Variants in HCFC1 observed in about 807,000 individuals in gnomAD.
HCFC1 encodes the protein host cell factor C1.
A neutral mutation model predicts 105.5 loss-of-function variants in HCFC1; 7 were observed. That is an observed-to-expected ratio of 0.07 (90% CI 0.04 to 0.12). The LOEUF is 0.12. Among genes scored for constraint, HCFC1 ranks in the 10% least tolerant of loss-of-function variants. The probability of loss-of-function intolerance (pLI) is 1.00; values close to 1 mark genes in which losing one functional copy is unlikely to be tolerated. For synonymous variants in HCFC1, 918 were observed against 828.1 expected, an observed-to-expected ratio of 1.11 and a Z score of -1.86; for missense variants, 1,065 against 1,823.6, an observed-to-expected ratio of 0.58 and a Z score of 7.58.
chrX:153,971,401 G>A lies in HCFC1; in HGVS notation c.-561C>T. 1 of 294,717 alleles carries A rather than the reference G, an allele frequency of 3.4e-6. No individual in the cohort carries two copies. Among genetic ancestry groups the A allele is most frequent in the Non-Finnish European group, 5.9e-6 (1 of 168,805 alleles). The allele number at this position is 294,717 out of a possible 1,213,427, so 24.3% of individuals were successfully genotyped here. The stretch of plus-strand genomic sequence containing the variant: ...TCCCGCTTCCCCGCCCAGCGCCTTA[G>A]TGCAGCCGCCGCTCCCGAAACAGCC... On this transcript the variant is annotated 5_prime_UTR_variant, in exon 1 of 26. Transcript: ENST00000310441.
chrX:153,951,568 G>T lies in HCFC1; in HGVS notation c.5379+21C>A, dbSNP rs370638767. 1,395 of 1,203,453 alleles carry T rather than the reference G, an allele frequency of 1.2e-3. 10 individuals carry two copies. The South Asian group carries it at 0.021, about 18-fold the overall frequency. ...TGCCCCCCAGGCCACGGACTCAGGA[G>T]CCCCAACACACCCGACTCACCACAC... On this transcript the variant is annotated intron_variant, in intron 21 of 25. Coordinates refer to ENST00000310441, the MANE Select transcript of HCFC1 (RefSeq NM_005334.3).
At chrX:153,959,638 G>T in intron 8 of HCFC1, 147 bp from the exon 9 acceptor site, 1 of 935,624 alleles carries the variant, frequency 1.1e-6, no homozygotes, top group Non-Finnish European at 1.5e-6. Flanking sequence ...ATTTCCACAG[G>T]TGGGGCCAGG....
At chrX:153,956,529 G>A (rs2065378612) in intron 15 of HCFC1, 96 bp downstream of exon 15, 1 of 1,129,075 alleles carries the variant, frequency 8.9e-7, no homozygotes, top group Non-Finnish European at 1.2e-6. Context: ...GGAGAGAGGA[G>A]CTGCTGTGCC....
rs782318382 is a variant in HCFC1 at position 153,956,772 on chromosome X, C to A, written c.2497-9G>T. 1.1e-5 allele frequency: 13 copies of A among 1,210,298 alleles called. No homozygotes were observed. In the Admixed American group the frequency reaches 2.8e-4, roughly 26 times the overall value. ...GCCCCCTTAAGCACCACCTGGAACA[C>A]CAGAGGAAAGTGCCACCAACGTCAC... On this transcript the variant is annotated splice_polypyrimidine_tract_variant and intron_variant, in intron 14 of 25. Coordinates refer to ENST00000310441, the MANE Select transcript of HCFC1 (RefSeq NM_005334.3).
At chrX:153,951,057 A>G in intron 22 of HCFC1, 59 bp from the exon 23 acceptor site, 3 of 1,045,463 alleles carry the variant, frequency 2.9e-6, no homozygotes, top group Non-Finnish European at 2.7e-6. Flanking sequence ...GGGCCACCCC[A>G]GGAACACTGC....
Position 153,950,234 on chromosome X carries a change from G to A in HCFC1, c.6004+9C>T. ...CCTGTGCCTGAAGAGCTCCACGAAGGACACTCACCCTGCAGCCACCTCACT... is the reference window on the plus strand; with the variant it reads ...CCTGTGCCTGAAGAGCTCCACGAAGAACACTCACCCTGCAGCCACCTCACT... On this transcript the variant is annotated intron_variant, in intron 24 of 25. Coordinates refer to ENST00000310441, the MANE Select transcript of HCFC1 (RefSeq NM_005334.3). 8.6e-7 allele frequency: 1 copy of A among 1,158,818 alleles called. No homozygotes were observed. Among genetic ancestry groups the A allele is most frequent in the African/African-American group, 1.8e-5 (1 of 56,708 alleles).
intron 6 of HCFC1, among the ~76,000 whole-genome samples, chrX:153,960,646 G>C (rs2065420802): frequency 8.9e-6 from 1 of 112,614 alleles, no homozygotes; most frequent in Admixed American, 9.4e-5. Flanking sequence ...CACAGTCAGA[G>C]GTTTACCTCC....
In HCFC1 at chrX:153,971,441, G is replaced by A; in HGVS notation, c.-601C>T. On this transcript the variant is annotated 5_prime_UTR_variant, in exon 1 of 26. Coordinates refer to ENST00000310441, the MANE Select transcript of HCFC1 (RefSeq NM_005334.3). ...CCGAAACAGCCTCGACACACCTAACGAATGGAGGCGGGCCGGAGGCCGGTG... is the reference window on the plus strand; with the variant it reads ...CCGAAACAGCCTCGACACACCTAACAAATGGAGGCGGGCCGGAGGCCGGTG... 1 of 294,498 alleles carries A rather than the reference G, an allele frequency of 3.4e-6. No homozygotes were observed. The highest frequency in any genetic ancestry group is 5.9e-6 in the Non-Finnish European group (1 of 168,504). The allele number at this position is 294,498 out of a possible 1,213,427, so 24.3% of individuals were successfully genotyped here. A position where few individuals can be genotyped will look rare whatever the true frequency, so the allele number is the denominator to read the frequency against.
At position 153,955,598 on chromosome X, in the gene HCFC1, C is replaced by T. The variant is rs782249800; in HGVS notation, c.2857-56G>A. Reference sequence around the variant, plus strand: ...GCTGCAGCTGGCTGTCTGCCTGTCCCTCCCACTGTCCTGCACTGTCACCAC... The same window carrying T: ...GCTGCAGCTGGCTGTCTGCCTGTCCTTCCCACTGTCCTGCACTGTCACCAC... On this transcript the variant is annotated intron_variant, in intron 16 of 25. Transcript: ENST00000310441. 7.9e-5 allele frequency: 86 copies of T among 1,091,324 alleles called. 1 individual carries two copies. In the South Asian group the frequency reaches 1.7e-3, roughly 22 times the overall value. 89.9% of individuals were successfully genotyped at this position (1,091,324 alleles called of 1,213,427 possible).
rs2065537119 is a variant in HCFC1 at position 153,971,696 on chromosome X, A to G, written c.-856T>C. Reference sequence around the variant, plus strand: ...TCCGATCCTCACTTCCCGCCTTATGACTCCTTCCCACAGGAGCCGCTTCAA... The same window carrying G: ...TCCGATCCTCACTTCCCGCCTTATGGCTCCTTCCCACAGGAGCCGCTTCAA... On this transcript the variant is annotated 5_prime_UTR_variant, in exon 1 of 26. Coordinates refer to ENST00000310441, the MANE Select transcript of HCFC1 (RefSeq NM_005334.3). 3.4e-6 allele frequency: 1 copy of G among 295,385 alleles called. No individual in the cohort carries two copies. Among genetic ancestry groups the G allele is most frequent in the Admixed American group, 6.1e-5 (1 of 16,316 alleles). 24.3% of individuals were successfully genotyped at this position (295,385 alleles called of 1,213,427 possible).
intron 21 of HCFC1, 35 bp downstream of exon 21, chrX:153,951,554 C>T (rs2065311839): frequency 8.3e-7 from 1 of 1,206,252 alleles, no homozygotes; most frequent in East Asian, 3.0e-5. Flanking sequence ...GCCCCCCAGG[C>T]CACGGACTCA....
intron 1 of HCFC1, 137 bp downstream of exon 1, chrX:153,970,511 G>C: frequency 2.3e-6 from 1 of 427,535 alleles, no homozygotes; most frequent in Non-Finnish European, 4.0e-6. Context: ...GAGAGAGAGG[G>C]AAGGGTAGAG....
Position 153,954,862 on chromosome X carries a change from A to G in HCFC1, c.3537T>C (p.Thr1179=). ...RQTSATSTTM[T]VMATGAPCSA... ...AGCACGGGGCCCCGGTGGCCATCAC[A>G]GTCATGGTGGTGCTGGTCGCGCTGG... Residue 1179 remains threonine (T), a synonymous_variant, in exon 17 of 26, where the codon ACT becomes ACC. Transcript: ENST00000310441. 1 of 1,154,555 alleles carries G rather than the reference A, an allele frequency of 8.7e-7. No individual in the cohort carries two copies. Among genetic ancestry groups the G allele is most frequent in the Non-Finnish European group, 1.1e-6 (1 of 872,446 alleles).
intron 20 of HCFC1, 50 bp from the exon 21 acceptor site, chrX:153,951,757 C>A: frequency 8.5e-7 from 1 of 1,176,136 alleles, no homozygotes; most frequent in South Asian, 1.9e-5. Context: ...ACCTGGCTCC[C>A]AAGTGAGACC....
At chrX:153,960,562 C>A (rs1569546895) in intron 6 of HCFC1, 148 bp from the exon 7 acceptor site, 4 of 414,940 alleles carry the variant, frequency 9.6e-6, no homozygotes, top group African/African-American at 5.0e-5. Context: ...AACAAAGAAA[C>A]CCTTTGTGGC....
At chrX:153,953,977 C>A in intron 17 of HCFC1, 89 bp downstream of exon 17, 1 of 1,058,685 alleles carries the variant, frequency 9.4e-7, no homozygotes, top group Admixed American at 2.5e-5. Flanking sequence ...GACTGGTGGA[C>A]TCTGGACGGA....
chrX:153,955,954 G>T (rs1372726847), intron 16 of HCFC1, among the ~76,000 whole-genome samples: 4 of 113,320 alleles, frequency 3.5e-5, no homozygotes, highest in Non-Finnish European at 5.6e-5. Context: ...GCGAGAGGAA[G>T]AACCCGGTGT....
chrX:153,956,903 C>T lies in HCFC1; in HGVS notation c.2496+15G>A, dbSNP rs1557115192. 10 of 1,208,720 alleles carry T rather than the reference C, an allele frequency of 8.3e-6. No homozygotes were observed. Among genetic ancestry groups the T allele is most frequent in the Middle Eastern group, 6.1e-4 (2 of 3,294 alleles). On this transcript the variant is annotated intron_variant, in intron 14 of 25. Coordinates refer to ENST00000310441, the MANE Select transcript of HCFC1 (RefSeq NM_005334.3). ...ACTAGGACACTGGGCTGAGAGACGG[C>T]TGGGAGTGCCTCACCTGGGTCACTC...
At position 153,949,012 on chromosome X, in the gene HCFC1, A is replaced by C; in HGVS notation, c.*335T>G. The C allele has an allele frequency of 7.6e-6, 1 of 131,293 alleles. No homozygotes were observed. The highest frequency in any genetic ancestry group is 1.4e-5 in the Non-Finnish European group (1 of 72,180). The allele number at this position is 131,293 out of a possible 1,213,427, so 10.8% of individuals were successfully genotyped here. A position where few individuals can be genotyped will look rare whatever the true frequency, so the allele number is the denominator to read the frequency against. On this transcript the variant is annotated 3_prime_UTR_variant, in exon 26 of 26. Coordinates refer to ENST00000310441, the MANE Select transcript of HCFC1 (RefSeq NM_005334.3). Reference sequence around the variant, plus strand: ...CCTGCCCCCGACCTGGCCCTCAGGAACGCACAGCCTTGGGAGGGCGGAGCT... The same window carrying C: ...CCTGCCCCCGACCTGGCCCTCAGGACCGCACAGCCTTGGGAGGGCGGAGCT...
Sources: gnomAD v4.1 joint callset for allele counts (sites outside exome capture counted in the v4.1 genomes callset) on GRCh38, gnomAD v4.1.1 for gene constraint, MANE v1.5 for transcripts, NCBI Gene and HGNC (gene_info 2026-07-23, HGNC 2026-07-21) for gene names.